Variants in RBM5 observed in about 807,000 individuals in gnomAD.
RBM5 encodes the protein RNA-binding protein 5.
RBM5 carries 15 observed loss-of-function variants against 124.6 expected under a neutral mutation model. That is an observed-to-expected ratio of 0.12 (90% CI 0.08 to 0.19). The LOEUF (loss-of-function observed/expected upper bound fraction) is 0.19, where lower values mean the gene tolerates loss of function less well. RBM5 is among the 10% of genes least tolerant of loss of function. The pLI is 1.00. For missense variants in RBM5, 580 were observed against 1,026.5 expected, an observed-to-expected ratio of 0.57 and a Z score of 5.94; for synonymous variants, 337 against 361.2, an observed-to-expected ratio of 0.93 and a Z score of 0.76.
intron 14 of RBM5, among the ~76,000 whole-genome samples, chr3:50,108,854 T>G (rs921058862): frequency 6.6e-6 from 1 of 152,204 alleles, no homozygotes; most frequent in Non-Finnish European, 1.5e-5. Flanking sequence ...TTCTTGGAAT[T>G]CAACTCTGTA....
At chr3:50,101,571 A>G (rs1393075880) in intron 6 of RBM5, 2 of 152,220 alleles carry the variant, frequency 1.3e-5, no homozygotes, top group Non-Finnish European at 2.9e-5. Context: ...TATTAAAAGT[A>G]GAGCTTCATT....
In RBM5 at chr3:50,100,175, C is replaced by A; in HGVS notation, c.409+124C>A. ...ATTCAGAATGAAAGGTTTGCCATGG[C>A]TAAGGAATGTGACTCTTTGAAAACC... is the stretch of plus-strand genomic sequence containing the variant. On this transcript the variant is annotated intron_variant, in intron 5 of 24. Coordinates refer to ENST00000347869, the MANE Select transcript of RBM5 (RefSeq NM_005778.4). The surrounding 1 kb of genome is among the most constrained non-coding windows in gnomAD (Gnocchi z 5.1). The A allele has an allele frequency of 2.2e-6, 2 of 909,468 alleles. No homozygotes were observed. The highest frequency in any genetic ancestry group is 3.3e-6 in the Non-Finnish European group (2 of 598,278). The allele number at this position is 909,468 out of a possible 1,614,324, so 56.3% of individuals were successfully genotyped here. A position where few individuals can be genotyped will look rare whatever the true frequency, so the allele number is the denominator to read the frequency against.
chr3:50,109,582 A>C (rs761229106), intron 14 of RBM5, 21 bp from the exon 15 acceptor site: 1 of 1,607,364 alleles, frequency 6.2e-7, no homozygotes, highest in African/African-American at 1.3e-5. Context: ...GGCTTTCCCT[A>C]ACACTTGTGT....
At chr3:50,110,901 C>A in intron 17 of RBM5, 131 bp downstream of exon 17, 4 of 685,940 alleles carry the variant, frequency 5.8e-6, no homozygotes, top group South Asian at 5.4e-5. Context: ...TCAAAGCCAC[C>A]AAAATGTAAT....
intron 6 of RBM5, 79 bp from the exon 7 acceptor site, chr3:50,103,004 T>G: frequency 1.7e-6 from 2 of 1,157,048 alleles, no homozygotes; most frequent in Non-Finnish European, 2.6e-6. Context: ...GCACTGATTT[T>G]TCCGAAGTGT....
At position 50,106,864 on chromosome 3, in the gene RBM5, A is replaced by G; in HGVS notation, c.953A>G (p.Lys318Arg). 6.3e-7 allele frequency: 1 copy of G among 1,588,334 alleles called. No homozygotes were observed. Among genetic ancestry groups the G allele is most frequent in the Non-Finnish European group, 8.6e-7 (1 of 1,156,416 alleles). The change falls in exon 11 of 25, where the codon AAA becomes AGA. Residue 318 changes from lysine to arginine, a missense_variant and splice_region_variant. By Grantham distance (26) the Lys-to-Arg change is conservative. Around this residue, in one of 6 missense-constraint regions of RBM5, gnomAD observed 42 missense variants for 101.1 expected, o/e 0.42. Transcript: ENST00000347869. ...IGVDFAKSAR[K>R]DLVLSDGNRV... The stretch of plus-strand genomic sequence containing the variant: ...GTTGATTTTGCAAAAAGTGCCAGAA[A>G]GTGAGTGGCTTCATTGTCCTTATTT...
At position 50,107,471 on chromosome 3, in the gene RBM5, TG is replaced by T. The variant is rs772321645; in HGVS notation, c.954-10del. On this transcript the variant is annotated splice_polypyrimidine_tract_variant and intron_variant, in intron 11 of 24. Coordinates refer to ENST00000347869, the MANE Select transcript of RBM5 (RefSeq NM_005778.4). ...TGATAGAATCACATGATTGGATCTT[TG>T]TGGTTTCAGAGACTTGGTCCTCTCA... 6.4e-7 allele frequency: 1 copy of T among 1,567,614 alleles called. No individual in the cohort carries two copies. Among genetic ancestry groups the T allele is most frequent in the East Asian group, 2.2e-5 (1 of 44,578 alleles).
chr3:50,118,651 C>G lies in RBM5; in HGVS notation c.*195C>G. The G allele has an allele frequency of 1.2e-6, 1 of 807,168 alleles. No individual in the cohort carries two copies. Among genetic ancestry groups the G allele is most frequent in the East Asian group, 2.7e-5 (1 of 36,700 alleles). The allele number at this position is 807,168 out of a possible 1,614,324, so 50.0% of individuals were successfully genotyped here. ...GTGGGTTGCCTGGTGAATGGCCTTC[C>G]TTCCCGCCAGAGGGCTTGTGAACAG... On this transcript the variant is annotated 3_prime_UTR_variant, in exon 25 of 25. Transcript: ENST00000347869.
At chr3:50,102,480 T>G (rs996755845) in intron 6 of RBM5, 1 of 152,030 alleles carries the variant, frequency 6.6e-6, no homozygotes, top group Non-Finnish European at 1.5e-5. Context: ...AAAAAAAATC[T>G]CATTTAGTTG....
chr3:50,106,733 A>G, intron 10 of RBM5, 34 bp from the exon 11 acceptor site: 2 of 1,451,810 alleles, frequency 1.4e-6, no homozygotes. Flanking sequence ...TTTTAATTGC[A>G]TTACACGTTT....
intron 6 of RBM5, chr3:50,102,865 C>T: frequency 1.9e-6 from 1 of 523,452 alleles, no homozygotes; most frequent in Non-Finnish European, 3.4e-6. Flanking sequence ...ACAGCTTTCT[C>T]AGCACTCCCT....
intron 7 of RBM5, among the ~76,000 whole-genome samples, chr3:50,103,565 G>A (rs556478119): frequency 7.2e-4 from 110 of 152,274 alleles, no homozygotes; most frequent in African/African-American, 2.5e-3. Flanking sequence ...AAAATCTCTT[G>A]AACACGGGAG....
intron 4 of RBM5, among the ~76,000 whole-genome samples, chr3:50,095,731 AAC>A: frequency 6.6e-6 from 1 of 152,120 alleles, no homozygotes; most frequent in South Asian, 2.1e-4. Flanking sequence ...TGTAGCCATC[AAC>A]ACACATGTCT....
At chr3:50,102,875 T>G in intron 6 of RBM5, 1 of 541,976 alleles carries the variant, frequency 1.8e-6, no homozygotes. Flanking sequence ...CAGCACTCCC[T>G]GACTCCGTTT....
intron 17 of RBM5, among the ~76,000 whole-genome samples, chr3:50,111,397 C>G (rs2091141070): frequency 6.6e-6 from 1 of 152,150 alleles, no homozygotes; most frequent in Non-Finnish European, 1.5e-5. Context: ...CTAATCTACT[C>G]TCTGTCTCTA....
At chr3:50,106,313 T>C (rs1655384504) in intron 10 of RBM5, among the ~76,000 whole-genome samples, 2 of 151,800 alleles carry the variant, frequency 1.3e-5, no homozygotes, top group Admixed American at 6.6e-5. Flanking sequence ...GCTAATTTTT[T>C]GTATTTTTAG....
At chr3:50,096,695 A>G (rs1346969926) in intron 4 of RBM5, among the ~76,000 whole-genome samples, 1 of 151,604 alleles carries the variant, frequency 6.6e-6, no homozygotes, top group Non-Finnish European at 1.5e-5. Flanking sequence ...GGCTCAGGCA[A>G]TCCACCAGCC....
rs1334525185 is a variant in RBM5 at position 50,106,762 on chromosome 3, T to A, written c.856-5T>A. On this transcript the variant is annotated splice_region_variant and splice_polypyrimidine_tract_variant and intron_variant, in intron 10 of 24. Transcript: ENST00000347869. ...CACGTTTTTTTCCTTCACATTCTCC[T>A]TCAGGATGCTTCTCAGCTGCTTCAG... is the stretch of plus-strand genomic sequence containing the variant. 1 of 1,588,526 alleles carries A rather than the reference T, an allele frequency of 6.3e-7. No homozygotes were observed. Among genetic ancestry groups the A allele is most frequent in the Non-Finnish European group, 8.6e-7 (1 of 1,156,960 alleles).
At chr3:50,110,273 A>T in intron 15 of RBM5, 106 bp from the exon 16 acceptor site, 2 of 910,326 alleles carry the variant, frequency 2.2e-6, no homozygotes, top group Non-Finnish European at 3.4e-6. Flanking sequence ...GATTATTGCT[A>T]CAGTGTGTCT....
Sources: allele counts gnomAD v4.1 joint callset (sites outside exome capture counted in the v4.1 genomes callset), GRCh38; gene constraint gnomAD v4.1.1; regional missense constraint gnomAD v4.1.1; non-coding constraint Gnocchi (gnomAD v3.1); transcripts MANE v1.5; gene names NCBI Gene and HGNC (gene_info 2026-07-23, HGNC 2026-07-21).